TMEM132C: variants seen among roughly 807,000 people sequenced by gnomAD.
TMEM132C encodes the protein transmembrane protein 132C, also known as protein phosphatase 1, regulatory subunit 152.
TMEM132C carries 29 observed loss-of-function variants against 61.4 expected under a neutral mutation model. The ratio of observed to expected loss-of-function variants is 0.47; its 90% confidence interval spans 0.35 to 0.64. The LOEUF is 0.64. Among genes scored for constraint, TMEM132C ranks in the 30% least tolerant of loss-of-function variants. The pLI is 0.00. For missense variants in TMEM132C, 1,408 were observed against 1,476.9 expected (o/e 0.95, Z 0.76); for synonymous variants, 656 against 633.1 (o/e 1.04, Z -0.54).
At chr12:128,620,044 A>G (rs1343444685) in intron 4 of TMEM132C, among the ~76,000 whole-genome samples, 1 of 151,992 alleles carries the variant, frequency 6.6e-6, no homozygotes, top group African/African-American at 2.4e-5. Context: ...CAGCTTGGGT[A>G]ACATAGTGAG....
intron 2 of TMEM132C, among the ~76,000 whole-genome samples, chr12:128,463,815 G>A (rs2136072705): frequency 6.6e-6 from 1 of 152,016 alleles, no homozygotes; most frequent in East Asian, 1.9e-4. Flanking sequence ...CCTTATCTGT[G>A]GCTAGATACA....
chr12:128,543,817 G>A (rs1873848144), intron 2 of TMEM132C, 140 bp from the exon 3 acceptor site: 1 of 1,134,622 alleles, frequency 8.8e-7, no homozygotes, highest in Non-Finnish European at 1.2e-6. Flanking sequence ...CCACCACTGG[G>A]CAGCTTTGCC....
chr12:128,320,602 C>CA (rs34160282), intron 1 of TMEM132C, among the ~76,000 whole-genome samples: 2 of 151,856 alleles, frequency 1.3e-5, no homozygotes, highest in South Asian at 2.1e-4. Context: ...CTCATCTCTA[C>CA]AAAAAAATTA....
chr12:128,687,996 C>T (rs1041054537), intron 5 of TMEM132C, among the ~76,000 whole-genome samples: 5 of 152,170 alleles, frequency 3.3e-5, no homozygotes, highest in African/African-American at 1.2e-4. Flanking sequence ...TGTGGACCAT[C>T]TGTTCCCTGC....
At chr12:128,270,735 C>T (rs1212890635) in intron 1 of TMEM132C, among the ~76,000 whole-genome samples, 2 of 152,140 alleles carry the variant, frequency 1.3e-5, no homozygotes, top group Non-Finnish European at 2.9e-5. Flanking sequence ...CATCCTTGTC[C>T]CTTCTTATCC....
intron 3 of TMEM132C, among the ~76,000 whole-genome samples, chr12:128,608,835 G>A (rs965850023): frequency 2.0e-5 from 3 of 152,142 alleles, no homozygotes; most frequent in Admixed American, 6.5e-5. Flanking sequence ...TTTAGAGGAG[G>A]GGGAGGCTCA....
chr12:128,425,705 A>G (rs10744376), intron 2 of TMEM132C, among the ~76,000 whole-genome samples: 143,604 of 152,240 alleles, frequency 0.94, 68,330 homozygotes, highest in East Asian at 1. Flanking sequence ...TGCCTTCGCC[A>G]GCTGTCCTCG....
intron 2 of TMEM132C, among the ~76,000 whole-genome samples, chr12:128,441,200 C>T (rs534374653): frequency 6.6e-5 from 10 of 152,198 alleles, no homozygotes; most frequent in Admixed American, 1.3e-4. Flanking sequence ...CAGTTCTGCA[C>T]GGCGATGAGT....
At chr12:128,598,703 T>C (rs1876057055) in intron 3 of TMEM132C, among the ~76,000 whole-genome samples, 1 of 152,176 alleles carries the variant, frequency 6.6e-6, no homozygotes, top group Non-Finnish European at 1.5e-5. Flanking sequence ...TCAAAGGCCC[T>C]GTCTCGGGGA....
chr12:128,655,510 G>A (rs1409841183), intron 4 of TMEM132C, among the ~76,000 whole-genome samples: 3 of 151,710 alleles, frequency 2.0e-5, no homozygotes, highest in Non-Finnish European at 4.4e-5. Flanking sequence ...TAATCAGCAC[G>A]CCAGTCGGCT....
intron 3 of TMEM132C, among the ~76,000 whole-genome samples, chr12:128,606,128 C>T (rs996411952): frequency 6.6e-6 from 1 of 152,230 alleles, no homozygotes; most frequent in Non-Finnish European, 1.5e-5. Flanking sequence ...CTGAGGCCTT[C>T]TCAGCAACTG....
intron 2 of TMEM132C, among the ~76,000 whole-genome samples, chr12:128,541,433 A>G (rs969084881): frequency 2.6e-5 from 4 of 152,172 alleles, no homozygotes; most frequent in Middle Eastern, 3.2e-3. Flanking sequence ...GGATGGGCTG[A>G]AAGTCCAAAC....
intron 2 of TMEM132C, among the ~76,000 whole-genome samples, chr12:128,516,614 C>T (rs200596206): frequency 2.0e-5 from 3 of 150,578 alleles, no homozygotes; most frequent in Admixed American, 2.0e-4. Flanking sequence ...AAAAAAAAAC[C>T]TTAAAAAAAA....
chr12:128,647,883 T>C (rs1954223828), intron 4 of TMEM132C, among the ~76,000 whole-genome samples: 1 of 147,916 alleles, frequency 6.8e-6, no homozygotes, highest in Admixed American at 6.7e-5. Context: ...TTTACTGGAG[T>C]CCATTAGCGT....
chr12:128,545,552 C>T (rs7295677), intron 3 of TMEM132C, among the ~76,000 whole-genome samples: 5,951 of 152,256 alleles, frequency 0.039, 142 homozygotes, highest in African/African-American at 0.046. Flanking sequence ...CCACTGTGAT[C>T]GAACTAATTT....
intron 1 of TMEM132C, among the ~76,000 whole-genome samples, chr12:128,330,026 G>A (rs1254672466): frequency 6.6e-6 from 1 of 152,096 alleles, no homozygotes; most frequent in Non-Finnish European, 1.5e-5. Flanking sequence ...GCCTGTAGGC[G>A]AGGGCCTTTT....
At chr12:128,366,572 C>T (rs1375567075) in intron 1 of TMEM132C, among the ~76,000 whole-genome samples, 1 of 152,152 alleles carries the variant, frequency 6.6e-6, no homozygotes, top group Non-Finnish European at 1.5e-5. Flanking sequence ...TTGTCTCCCA[C>T]CCTGTTCAGT....
chr12:128,385,454 C>T (rs61938448), intron 1 of TMEM132C, among the ~76,000 whole-genome samples: 2,500 of 89,482 alleles, frequency 0.028, 462 homozygotes, highest in South Asian at 0.076. Context: ...GAGACATAAA[C>T]GTCAAGTCCT....
chr12:128,366,192 C>G (rs1223064260), intron 1 of TMEM132C, among the ~76,000 whole-genome samples: 1 of 152,168 alleles, frequency 6.6e-6, no homozygotes, highest in Non-Finnish European at 1.5e-5. Context: ...CTGTGTCGCC[C>G]GCGGCTCTCC....
Sources: allele counts gnomAD v4.1 joint callset (sites outside exome capture counted in the v4.1 genomes callset), GRCh38; gene constraint gnomAD v4.1.1; transcripts MANE v1.5; gene names NCBI Gene and HGNC (gene_info 2026-07-23, HGNC 2026-07-21).